GRAP2: variants seen among roughly 807,000 people sequenced by gnomAD.
GRAP2 encodes the protein GRB2-related adapter protein 2.
A neutral mutation model predicts 43.5 loss-of-function variants in GRAP2; 31 were observed. The ratio of observed to expected loss-of-function variants is 0.71; its 90% confidence interval spans 0.54 to 0.96. The LOEUF is 0.96. GRAP2 is among the 40% of genes least tolerant of loss of function. The pLI, the probability that GRAP2 is intolerant of heterozygous loss-of-function variation, is 0.00. For missense variants in GRAP2, 371 were observed against 424.4 expected (o/e 0.87, Z 1.11); for synonymous variants, 156 against 164.8 (o/e 0.95, Z 0.41).
At chr22:39,899,841 C>T (rs2066482137), upstream of GRAP2, among the ~76,000 whole-genome samples, 1 of 151,978 alleles carries the variant, frequency 6.6e-6, no homozygotes, top group South Asian at 2.1e-4. Flanking sequence ...AAAAAATTAG[C>T]CAGGCATGGT....
the GRAP2 span, among the ~76,000 whole-genome samples, chr22:39,895,079 T>C: frequency 1.6e-4 from 25 of 152,262 alleles, 1 homozygote; most frequent in South Asian, 5.2e-3. Context: ...ACAAAGGCTA[T>C]TAGTGGAGCA....
At chr22:39,909,847 C>T (rs2066547407) in intron 1 of GRAP2, among the ~76,000 whole-genome samples, 1 of 152,178 alleles carries the variant, frequency 6.6e-6, no homozygotes, top group African/African-American at 2.4e-5. Context: ...ATCCACAAAG[C>T]TTTACACTTC....
At chr22:39,938,788 G>A (rs1049669517) in intron 1 of GRAP2, among the ~76,000 whole-genome samples, 1 of 152,220 alleles carries the variant, frequency 6.6e-6, no homozygotes, top group Non-Finnish European at 1.5e-5. Context: ...ATCGTTATTC[G>A]GGGAACACAC....
intron 1 of GRAP2, among the ~76,000 whole-genome samples, chr22:39,904,245 G>A (rs1308372614): frequency 2.0e-5 from 3 of 152,092 alleles, no homozygotes; most frequent in Non-Finnish European, 4.4e-5. Context: ...AAAATTAGCC[G>A]GGCATGATGG....
intron 1 of GRAP2, among the ~76,000 whole-genome samples, chr22:39,931,101 C>T (rs1299740834): frequency 6.6e-6 from 1 of 152,072 alleles, no homozygotes; most frequent in Non-Finnish European, 1.5e-5. Context: ...GTCTAGTCCA[C>T]ACTGGATCTT....
chr22:39,908,044 G>A (rs1403343417), intron 1 of GRAP2, among the ~76,000 whole-genome samples: 3 of 152,292 alleles, frequency 2.0e-5, no homozygotes, highest in African/African-American at 7.2e-5. Context: ...AGCTACCCAC[G>A]TGATCTTAAA....
At chr22:39,907,266 A>T (rs1048879749) in intron 1 of GRAP2, among the ~76,000 whole-genome samples, 7 of 152,190 alleles carry the variant, frequency 4.6e-5, no homozygotes, top group Admixed American at 1.3e-4. Flanking sequence ...GATGTCAACG[A>T]AAACTATGAA....
intron 1 of GRAP2, among the ~76,000 whole-genome samples, chr22:39,929,292 G>A (rs542551084): frequency 5.3e-5 from 8 of 152,196 alleles, no homozygotes; most frequent in Non-Finnish European, 1.0e-4. Flanking sequence ...GAGAGAGAGA[G>A]GAGGGAATGA....
chr22:39,969,272 G>T (rs368888499), intron 6 of GRAP2, 139 bp from the exon 7 acceptor site: 2 of 963,734 alleles, frequency 2.1e-6, no homozygotes, highest in African/African-American at 3.2e-5. Flanking sequence ...CCTCCTCAAC[G>T]TGGAGGGTTT....
At chr22:39,950,596 T>C (rs527826488) in intron 2 of GRAP2, among the ~76,000 whole-genome samples, 18 of 152,274 alleles carry the variant, frequency 1.2e-4, no homozygotes, top group Admixed American at 2.0e-4. Flanking sequence ...TTCGTCTTTG[T>C]GTCTTCACAG....
chr22:39,924,181 T>C (rs1165556933), intron 1 of GRAP2, among the ~76,000 whole-genome samples: 4 of 152,230 alleles, frequency 2.6e-5, no homozygotes, highest in African/African-American at 7.2e-5. Context: ...GAAATACTCA[T>C]TCTGGATGAA....
intron 1 of GRAP2, among the ~76,000 whole-genome samples, chr22:39,942,109 A>G (rs1569205270): frequency 1.3e-5 from 2 of 152,320 alleles, no homozygotes; most frequent in East Asian, 1.9e-4. Flanking sequence ...GTGAGCCTCC[A>G]TAATACATGC....
At chr22:39,965,919 G>C in intron 4 of GRAP2, 71 bp from the exon 5 acceptor site, 1 of 1,258,990 alleles carries the variant, frequency 7.9e-7, no homozygotes, top group Non-Finnish European at 1.2e-6. Context: ...CACCATCCCA[G>C]ATGTGAGCAG....
the GRAP2 span, among the ~76,000 whole-genome samples, chr22:39,895,317 C>A: frequency 6.6e-6 from 1 of 151,980 alleles, no homozygotes. Context: ...TAATAATAGC[C>A]CACATTATTG....
chr22:39,896,687 G>A (rs2958646), upstream of GRAP2, among the ~76,000 whole-genome samples: 21,247 of 152,152 alleles, frequency 0.14, 1,602 homozygotes, highest in Non-Finnish European at 0.16. Context: ...GAGGGAGTTG[G>A]TTAGGCTTGG....
chr22:39,923,222 G>C (rs1601699626), intron 1 of GRAP2, among the ~76,000 whole-genome samples: 1 of 152,100 alleles, frequency 6.6e-6, no homozygotes, highest in East Asian at 1.9e-4. Flanking sequence ...GAAATATATA[G>C]ATTGGCACAA....
Position 39,971,267 on chromosome 22 carries a change from A to G in GRAP2, c.*183A>G. 1 of 546,912 alleles carries G rather than the reference A, an allele frequency of 1.8e-6. No individual in the cohort carries two copies. 33.9% of individuals were successfully genotyped at this position (546,912 alleles called of 1,614,324 possible). A position where few individuals can be genotyped will look rare whatever the true frequency, so the allele number is the denominator to read the frequency against. ...TGGTAATTAGTTGATGCAAAAGGGAACTCAGGTGGAGAATAATATTGACAC... is the reference window on the plus strand; with the variant it reads ...TGGTAATTAGTTGATGCAAAAGGGAGCTCAGGTGGAGAATAATATTGACAC... On this transcript the variant is annotated 3_prime_UTR_variant, in exon 8 of 8. Coordinates refer to ENST00000344138, the MANE Select transcript of GRAP2 (RefSeq NM_004810.4).
chr22:39,964,715 TAAA>T (rs386395435), intron 4 of GRAP2: 1,641 of 306,366 alleles, frequency 5.4e-3, no homozygotes, highest in East Asian at 8.7e-3. Flanking sequence ...TAAACTTTTG[TAAA>T]AAAAAAAAAA....
upstream of GRAP2, among the ~76,000 whole-genome samples, chr22:39,897,526 T>C (rs1411001419): frequency 1.3e-5 from 2 of 150,150 alleles, no homozygotes; most frequent in African/African-American, 4.9e-5. Flanking sequence ...TTTTTTTTTT[T>C]TTTTTTTTTT....
Sources: allele counts gnomAD v4.1 joint callset (sites outside exome capture counted in the v4.1 genomes callset), GRCh38; gene constraint gnomAD v4.1.1; transcripts MANE v1.5; gene names NCBI Gene and HGNC (gene_info 2026-07-23, HGNC 2026-07-21).